NTRK3: variants seen among roughly 807,000 people sequenced by gnomAD.
NTRK3 encodes the protein NT-3 growth factor receptor.
Under a neutral mutation model 91.7 loss-of-function variants are expected in NTRK3, and 24 were observed. The ratio of observed to expected loss-of-function variants is 0.26; its 90% CI spans 0.19 to 0.37. The LOEUF (loss-of-function observed/expected upper bound fraction) is 0.37, where lower values mean the gene tolerates loss of function less well. Ranked by LOEUF, NTRK3 falls within the 10% of genes least tolerant of loss-of-function variation. The pLI is 1.00. For synonymous variants in NTRK3, 483 were observed against 404.0 expected (o/e 1.20, Z -2.34); for missense variants, 880 against 1,068.9 (o/e 0.82, Z 2.46).
chr15:88,023,810 C>T (rs933376368), intron 14 of NTRK3, among the ~76,000 whole-genome samples: 5 of 152,328 alleles, frequency 3.3e-5, no homozygotes, highest in African/African-American at 9.6e-5. Context: ...AAGTCCATCC[C>T]GGACTTCTTC....
intron 3 of NTRK3, among the ~76,000 whole-genome samples, chr15:88,248,527 T>C (rs992578386): frequency 1.3e-5 from 2 of 152,154 alleles, no homozygotes; most frequent in African/African-American, 4.8e-5. Flanking sequence ...TGTGTGTGTG[T>C]GTGTGTGTGT....
At chr15:88,118,425 G>T (rs550957560) in intron 13 of NTRK3, among the ~76,000 whole-genome samples, 2 of 152,142 alleles carry the variant, frequency 1.3e-5, no homozygotes, top group Non-Finnish European at 2.9e-5. Context: ...CTTTACAGGG[G>T]GTAAAAAACA....
At chr15:87,865,804 T>C (rs2064655706) in exon 19 of NTRK3, 1 of 228,502 alleles carries the variant, frequency 4.4e-6, no homozygotes, top group Non-Finnish European at 8.7e-6. Context: ...TTCCAGTGAC[T>C]AAGCCAAATA....
intron 14 of NTRK3, among the ~76,000 whole-genome samples, chr15:88,013,273 A>T (rs1362622891): frequency 1.3e-5 from 2 of 152,228 alleles, no homozygotes; most frequent in African/African-American, 4.8e-5. Flanking sequence ...TCATACCCGC[A>T]TCTTCCTCTA....
chr15:87,906,077 T>G (rs2066747160), intron 17 of NTRK3, among the ~76,000 whole-genome samples: 1 of 152,208 alleles, frequency 6.6e-6, no homozygotes, highest in Admixed American at 6.5e-5. Flanking sequence ...TCCTGCCAAC[T>G]GGTATCTGTG....
intron 13 of NTRK3, among the ~76,000 whole-genome samples, chr15:88,041,373 G>A (rs189162695): frequency 1.3e-5 from 2 of 152,296 alleles, no homozygotes; most frequent in East Asian, 1.9e-4. Flanking sequence ...GGGAGCTGTG[G>A]TAAGCATGAC....
At chr15:87,907,589 C>T (rs962727282) in intron 17 of NTRK3, among the ~76,000 whole-genome samples, 79 of 152,210 alleles carry the variant, frequency 5.2e-4, no homozygotes, top group African/African-American at 1.8e-3. Context: ...CTACCGCACG[C>T]CCTGTCAGTG....
At chr15:88,039,615 G>A (rs1277620102) in intron 13 of NTRK3, among the ~76,000 whole-genome samples, 1 of 152,234 alleles carries the variant, frequency 6.6e-6, no homozygotes, top group Non-Finnish European at 1.5e-5. Flanking sequence ...TTTATTCCAA[G>A]TTGGGATTCA....
chr15:88,023,266 C>T (rs1405239869), intron 14 of NTRK3, among the ~76,000 whole-genome samples: 3 of 152,144 alleles, frequency 2.0e-5, no homozygotes, highest in Non-Finnish European at 4.4e-5. Context: ...TGGCAACATC[C>T]AGCTCTTTCT....
chr15:88,175,522 TTC>T (rs929622342), intron 5 of NTRK3, among the ~76,000 whole-genome samples: 1 of 152,226 alleles, frequency 6.6e-6, no homozygotes, highest in Admixed American at 6.5e-5. Flanking sequence ...TTAGAATATT[TTC>T]ATCATGATAA....
At chr15:87,877,596 C>G (rs920204077) in intron 18 of NTRK3, among the ~76,000 whole-genome samples, 4 of 151,108 alleles carry the variant, frequency 2.6e-5, no homozygotes, top group Admixed American at 1.3e-4. Context: ...ATCTCTCATT[C>G]CTGGCAGGCT....
intron 3 of NTRK3, among the ~76,000 whole-genome samples, chr15:88,219,996 G>A (rs1432338384): frequency 6.6e-6 from 1 of 152,176 alleles, no homozygotes; most frequent in Non-Finnish European, 1.5e-5. Context: ...CAAAGATGCA[G>A]CTATCGACTG....
intron 15 of NTRK3, among the ~76,000 whole-genome samples, chr15:87,934,854 G>A (rs895313662): frequency 1.3e-5 from 2 of 152,150 alleles, no homozygotes; most frequent in Non-Finnish European, 2.9e-5. Flanking sequence ...ATCAAGTGGA[G>A]GTGTGGTCTT....
chr15:88,071,719 G>A (rs1000069306), intron 13 of NTRK3, among the ~76,000 whole-genome samples: 1 of 152,174 alleles, frequency 6.6e-6, no homozygotes, highest in African/African-American at 2.4e-5. Context: ...GCTTGAAAGC[G>A]CTGATGCTCC....
intron 14 of NTRK3, among the ~76,000 whole-genome samples, chr15:88,012,282 T>C (rs976557093): frequency 3.9e-5 from 6 of 152,196 alleles, no homozygotes; most frequent in Non-Finnish European, 8.8e-5. Flanking sequence ...GGTTTTGACA[T>C]AAGGGAAACG....
chr15:88,042,644 C>T lies in NTRK3; in HGVS notation c.1397-9599G>A, dbSNP rs1032845380. Among the ~76,000 whole-genome samples, 4 of 152,350 alleles carry T rather than the reference C, an allele frequency of 2.6e-5. No individual in the cohort carries two copies. The East Asian group carries it at 7.7e-4, about 29-fold the overall frequency. On this transcript the variant is annotated intron_variant, in intron 13 of 18. Coordinates refer to ENST00000394480, the Ensembl canonical transcript of NTRK3. ...CGCAGCATTCATAGCTTGGAGGTATCACTTGGTGATTGAAAATGATGTTGC... is the reference window on the plus strand; with the variant it reads ...CGCAGCATTCATAGCTTGGAGGTATTACTTGGTGATTGAAAATGATGTTGC...
intron 5 of NTRK3, among the ~76,000 whole-genome samples, chr15:88,159,221 CT>C (rs1555530377): frequency 1.3e-5 from 2 of 152,238 alleles, no homozygotes; most frequent in Non-Finnish European, 2.9e-5. Flanking sequence ...ATCTATGACT[CT>C]CTTAAAAACA....
intron 11 of NTRK3, among the ~76,000 whole-genome samples, 193 bp downstream of exon 11, chr15:88,128,518 C>A (rs1057159353): frequency 1.6e-4 from 25 of 152,238 alleles, no homozygotes; most frequent in African/African-American, 6.0e-4. Flanking sequence ...AGAGTGATTA[C>A]CCAAGAAAAG....
At chr15:87,920,421 T>C (rs900423583) in intron 17 of NTRK3, among the ~76,000 whole-genome samples, 2 of 152,128 alleles carry the variant, frequency 1.3e-5, no homozygotes, top group Non-Finnish European at 2.9e-5. Context: ...CACTTGGAAG[T>C]CTCTCCAGTC....
Sources: gnomAD v4.1 joint callset for allele counts (sites outside exome capture counted in the v4.1 genomes callset) on GRCh38, gnomAD v4.1.1 for gene constraint, MANE v1.5 for transcripts, NCBI Gene and HGNC (gene_info 2026-07-23, HGNC 2026-07-21) for gene names.